PARP16: variants seen among roughly 807,000 people sequenced by gnomAD.
PARP16 encodes the protein poly(ADP-ribose) polymerase family member 16.
In PARP16, 31 loss-of-function variants were observed where a neutral mutation model predicts 35.0. The observed-to-expected ratio is 0.88, with a 90% CI of 0.66 to 1.19. PARP16 has a LOEUF of 1.19. PARP16 is among the 50% of genes most tolerant of loss of function. The pLI, the probability that PARP16 is intolerant of heterozygous loss-of-function variation, is 0.00. For missense variants in PARP16, 424 were observed against 411.2 expected (o/e 1.03, Z -0.27); for synonymous variants, 162 against 169.5 (o/e 0.96, Z 0.34).
At chr15:65,247,670 T>C (rs1037244310) in intron 3 of PARP16, among the ~76,000 whole-genome samples, 18 of 152,072 alleles carry the variant, frequency 1.2e-4, no homozygotes, top group African/African-American at 4.3e-4. Context: ...GGCAAGGGAA[T>C]GGATGGCTGG....
chr15:65,265,928 ATTTT>A (rs1247660129), intron 3 of PARP16, among the ~76,000 whole-genome samples: 1 of 151,902 alleles, frequency 6.6e-6, no homozygotes, highest in Admixed American at 6.6e-5. Flanking sequence ...TTATTTATTT[ATTTT>A]ATTTTTTAAT....
chr15:65,252,746 G>A lies in PARP16; in HGVS notation c.203-4518C>T, dbSNP rs961613800. ...CTCATTACTAAAACCTGCTCTTAGG[G>A]AGGCTTTGTTATCAGTCATTTGCAC... is the stretch of plus-strand genomic sequence containing the variant. On this transcript the variant is annotated intron_variant and NMD_transcript_variant, in intron 2 of 3. Transcript: ENST00000559805. Among the ~76,000 whole-genome samples the A allele has an allele frequency of 2.6e-5, 4 of 152,152 alleles. No homozygotes were observed. In the East Asian group the frequency reaches 5.8e-4, roughly 22 times the overall value.
At chr15:65,282,271 A>C (rs1268533935) in intron 1 of PARP16, among the ~76,000 whole-genome samples, 1 of 152,196 alleles carries the variant, frequency 6.6e-6, no homozygotes, top group Admixed American at 6.5e-5. Context: ...AGCCTCCCAG[A>C]GGGCTGGGAT....
At chr15:65,248,168 C>T (rs1423004790) in exon 3 of PARP16, 2 of 456,352 alleles carry the variant, frequency 4.4e-6, no homozygotes, top group Admixed American at 4.7e-5. Flanking sequence ...TGGGCCCACC[C>T]TTTAGATGGC....
At chr15:65,268,777 T>C (rs1279789978) in intron 2 of PARP16, among the ~76,000 whole-genome samples, 1 of 151,992 alleles carries the variant, frequency 6.6e-6, no homozygotes, top group Non-Finnish European at 1.5e-5. Context: ...TTTTTTGAGA[T>C]GGAGTCTTAG....
At chr15:65,252,016 G>C (rs2089376462) in intron 2 of PARP16, among the ~76,000 whole-genome samples, 1 of 151,964 alleles carries the variant, frequency 6.6e-6, no homozygotes, top group Non-Finnish European at 1.5e-5. Context: ...CACCCGCCTC[G>C]GCCTCCCAAA....
intron 3 of PARP16, 46 bp downstream of exon 3, chr15:65,266,516 T>A: frequency 1.3e-6 from 2 of 1,510,228 alleles, no homozygotes; most frequent in Non-Finnish European, 1.8e-6. Flanking sequence ...CTCTCCCACC[T>A]CCATCCCTGC....
At chr15:65,273,286 AAAAAAAAAG>A (rs1172457939) in intron 1 of PARP16, among the ~76,000 whole-genome samples, 3 of 149,058 alleles carry the variant, frequency 2.0e-5, no homozygotes, top group Admixed American at 1.4e-4. Flanking sequence ...CAAAAAAAAA[AAAAAAAAAG>A]AATACCTGTG....
intron 3 of PARP16, among the ~76,000 whole-genome samples, chr15:65,236,795 A>AC (rs1248472563): frequency 1.3e-5 from 2 of 152,012 alleles, no homozygotes; most frequent in African/African-American, 4.8e-5. Flanking sequence ...ACATGGTGAA[A>AC]CCCCATCTCT....
rs764411043 is a variant in PARP16 at position 65,266,608 on chromosome 15, T to C, written c.473A>G (p.Asn158Ser). 1.2e-6 allele frequency: 2 copies of C among 1,614,056 alleles called. No homozygotes were observed. Among genetic ancestry groups the C allele is most frequent in the East Asian group, 4.5e-5 (2 of 44,880 alleles). Residue 158 changes from asparagine to serine, a missense_variant, in exon 3 of 6, where the codon AAC becomes AGC. Physicochemically the swap from Asn to Ser is conservative, Grantham distance 46. Transcript: ENST00000649807. ...GCCATTGTGGATAATGGAATGGAAG[T>C]TTTCTAGGCGGCTACCATGAAATGC... Reference protein sequence around the residue: ...IYAFHGSRLENFHSIIHNGLH... With the variant: ...IYAFHGSRLESFHSIIHNGLH...
chr15:65,285,943 C>T (rs1310104913), intron 1 of PARP16, among the ~76,000 whole-genome samples: 7 of 152,206 alleles, frequency 4.6e-5, no homozygotes, highest in Non-Finnish European at 7.3e-5. Context: ...CACATCAACC[C>T]TATTCCTGGC....
intron 3 of PARP16, among the ~76,000 whole-genome samples, chr15:65,237,376 A>C (rs2088911791): frequency 6.6e-6 from 1 of 152,222 alleles, no homozygotes; most frequent in South Asian, 2.1e-4. Context: ...ATGTGTCTAC[A>C]TCCTAATTCC....
downstream of PARP16, among the ~76,000 whole-genome samples, chr15:65,253,423 C>T (rs1375219844): frequency 6.6e-6 from 1 of 151,158 alleles, no homozygotes; most frequent in Non-Finnish European, 1.5e-5. Flanking sequence ...CTCCGCCTCC[C>T]GGGTTCACGC....
At chr15:65,265,905 C>T (rs1320620961) in intron 3 of PARP16, among the ~76,000 whole-genome samples, 1 of 152,142 alleles carries the variant, frequency 6.6e-6, no homozygotes, top group African/African-American at 2.4e-5. Context: ...AGCCAGGCAT[C>T]TGGGATTTTT....
At chr15:65,232,497 A>G (rs1278968469), downstream of PARP16, among the ~76,000 whole-genome samples, 1 of 152,218 alleles carries the variant, frequency 6.6e-6, no homozygotes, top group African/African-American at 2.4e-5. Context: ...AACTGTACAC[A>G]AAACAGTGCT....
chr15:65,248,506 C>T (rs2089271675), intron 2 of PARP16, among the ~76,000 whole-genome samples: 1 of 152,108 alleles, frequency 6.6e-6, no homozygotes, highest in East Asian at 1.9e-4. Flanking sequence ...TGAATACTTA[C>T]ATACAGGGAA....
At chr15:65,267,563 C>A in intron 2 of PARP16, among the ~76,000 whole-genome samples, 1 of 147,334 alleles carries the variant, frequency 6.8e-6, no homozygotes, top group Non-Finnish European at 1.5e-5. Context: ...GCCGAGATGG[C>A]GCCACTGCAC....
downstream of PARP16, among the ~76,000 whole-genome samples, chr15:65,232,138 C>T (rs1163981457): frequency 6.6e-6 from 1 of 152,058 alleles, no homozygotes; most frequent in Admixed American, 6.6e-5. Flanking sequence ...ACTGGTAATC[C>T]CAGCACTTTG....
intron 5 of PARP16, 85 bp from the exon 6 acceptor site, chr15:65,259,627 A>C (rs2089634583): frequency 7.9e-7 from 1 of 1,264,478 alleles, no homozygotes; most frequent in African/African-American, 1.5e-5. Context: ...GGCTCTAAGA[A>C]GACAAAATGA....
Sources: allele counts gnomAD v4.1 joint callset (sites outside exome capture counted in the v4.1 genomes callset), GRCh38; gene constraint gnomAD v4.1.1; transcripts MANE v1.5; gene names NCBI Gene and HGNC (gene_info 2026-07-23, HGNC 2026-07-21).